Variants in LRPPRC observed in about 807,000 individuals in gnomAD.
LRPPRC encodes the protein leucine-rich PPR motif-containing protein, mitochondrial.
LRPPRC carries 120 observed loss-of-function variants against 180.3 expected under a neutral mutation model. The ratio of observed to expected loss-of-function variants is 0.67; its 90% CI spans 0.57 to 0.77. LRPPRC has a LOEUF of 0.77. LRPPRC is among the 30% of genes least tolerant of loss of function. The probability of loss-of-function intolerance (pLI) is 0.00; values close to 1 mark genes in which losing one functional copy is unlikely to be tolerated. For synonymous variants in LRPPRC, 723 were observed against 600.0 expected (o/e 1.21, Z -3.00); for missense variants, 2,012 against 1,657.2 (o/e 1.21, Z -3.72).
At chr2:43,978,452 C>T (rs1467322332) in intron 3 of LRPPRC, among the ~76,000 whole-genome samples, 1 of 152,050 alleles carries the variant, frequency 6.6e-6, no homozygotes, top group Non-Finnish European at 1.5e-5. Context: ...CATTGTTAAT[C>T]TTTATATGGA....
chr2:43,962,415 A>T (rs1343635009), intron 12 of LRPPRC, among the ~76,000 whole-genome samples: 1 of 152,250 alleles, frequency 6.6e-6, no homozygotes, highest in Non-Finnish European at 1.5e-5. Context: ...GAAACACTCT[A>T]ACATTATTAG....
intron 34 of LRPPRC, among the ~76,000 whole-genome samples, chr2:43,898,465 G>A (rs886434885): frequency 3.3e-5 from 5 of 152,176 alleles, no homozygotes; most frequent in African/African-American, 1.2e-4. Context: ...CGGGATCACG[G>A]TGACTGTTTG....
At chr2:43,985,633 G>T (rs1274682952) in intron 1 of LRPPRC, among the ~76,000 whole-genome samples, 4 of 152,084 alleles carry the variant, frequency 2.6e-5, no homozygotes, top group Non-Finnish European at 5.9e-5. Context: ...ACACATTTAA[G>T]GTTCCTCCAT....
chr2:43,949,577 A>G (rs772664518), intron 16 of LRPPRC, 25 bp downstream of exon 16: 4 of 1,590,660 alleles, frequency 2.5e-6, no homozygotes, highest in Admixed American at 1.7e-5. Flanking sequence ...TGGATAAGTT[A>G]CAATCATCGA....
In LRPPRC at chr2:43,964,696, TA is replaced by T. The variant is rs548973978; in HGVS notation, c.1370-991del. Reference sequence around the variant, plus strand: ...TTCTTTTAGATAAAATTTAATTATGTAAAAAAAAAACTATAATTTTTTTTAA... The same window carrying T: ...TTCTTTTAGATAAAATTTAATTATGTAAAAAAAAACTATAATTTTTTTTAA... On this transcript the variant is annotated intron_variant, in intron 11 of 37. Coordinates refer to ENST00000260665, the MANE Select transcript of LRPPRC (RefSeq NM_133259.4). 1.2e-3 allele frequency among the ~76,000 whole-genome samples: 176 copies of T among 148,926 alleles called. 1 individual carries two copies. Among genetic ancestry groups the T allele is most frequent in the African/African-American group, 3.1e-3 (125 of 40,750 alleles).
intron 16 of LRPPRC, among the ~76,000 whole-genome samples, 195 bp downstream of exon 16, chr2:43,949,407 T>C (rs906513332): frequency 1.3e-5 from 2 of 152,112 alleles, no homozygotes; most frequent in Non-Finnish European, 2.9e-5. Flanking sequence ...AACCCTGTCT[T>C]TAGAAAAAAT....
At chr2:43,900,880 G>T (rs1475703336) in intron 32 of LRPPRC, among the ~76,000 whole-genome samples, 1 of 152,040 alleles carries the variant, frequency 6.6e-6, no homozygotes, top group African/African-American at 2.4e-5. Flanking sequence ...TTTTGTGGGG[G>T]TGGGAGAGTG....
At chr2:43,961,004 G>A (rs569533916) in intron 12 of LRPPRC, among the ~76,000 whole-genome samples, 1 of 152,160 alleles carries the variant, frequency 6.6e-6, no homozygotes, top group Non-Finnish European at 1.5e-5. Flanking sequence ...ACTCATAGAG[G>A]CTCATCACTT....
At chr2:43,935,617 TAAAC>T (rs1279245808) in intron 23 of LRPPRC, among the ~76,000 whole-genome samples, 1 of 152,210 alleles carries the variant, frequency 6.6e-6, no homozygotes, top group Non-Finnish European at 1.5e-5. Context: ...ATCAGTTTCT[TAAAC>T]AACAGTGTGG....
rs530094350 is a variant in LRPPRC, at chr2:43,913,808, C to CA, written c.3149-1251dup. The stretch of plus-strand genomic sequence containing the variant: ...ACAACTGTATATTCCAGGACACTGG[C>CA]AAAAAACGGAAAATAAAAACACGCT... On this transcript the variant is annotated intron_variant, in intron 29 of 37. Transcript: ENST00000260665. Among the ~76,000 whole-genome samples, 447 of 152,166 alleles carry CA rather than the reference C, an allele frequency of 2.9e-3. 5 individuals carry two copies. Among genetic ancestry groups the CA allele is most frequent in the African/African-American group, 0.01 (424 of 41,544 alleles).
chr2:43,908,107 G>C (rs751664170), intron 30 of LRPPRC, among the ~76,000 whole-genome samples: 1 of 152,032 alleles, frequency 6.6e-6, no homozygotes, highest in Non-Finnish European at 1.5e-5. Flanking sequence ...CATTATTTCC[G>C]AACAGAATGA....
chr2:43,896,825 A>G, intron 34 of LRPPRC, 117 bp from the exon 35 acceptor site: 1 of 717,996 alleles, frequency 1.4e-6, no homozygotes, highest in Non-Finnish European at 2.5e-6. Context: ...TACCAATAGG[A>G]AGGCCTAATA....
rs1672676984 is a variant in LRPPRC at position 43,946,228 on chromosome 2, G to C, written c.2095C>G (p.Leu699Val). ...GATTCATATTTTGCTTTCAATTCAA[G>C]GGCTTTTTGCATATTCTAAAATACA... The part of the protein sequence containing the change: ...LCSEENMQKA[L>V]ELKAKYESDM... Residue 699 changes from leucine (L) to valine (V), a missense_variant, in exon 21 of 38, where the codon CTT becomes GTT. Coordinates refer to ENST00000260665, the MANE Select transcript of LRPPRC (RefSeq NM_133259.4). 6.2e-7 allele frequency: 1 copy of C among 1,611,500 alleles called. No homozygotes were observed. Among genetic ancestry groups the C allele is most frequent in the Non-Finnish European group, 8.5e-7 (1 of 1,178,016 alleles).
chr2:43,971,262 T>A (rs900842673), intron 11 of LRPPRC, among the ~76,000 whole-genome samples: 2 of 151,992 alleles, frequency 1.3e-5, no homozygotes, highest in African/African-American at 4.8e-5. Context: ...TACAGGTTAT[T>A]TCCTGAAAGT....
intron 27 of LRPPRC, among the ~76,000 whole-genome samples, chr2:43,918,631 C>G (rs1159631284): frequency 6.6e-6 from 1 of 151,700 alleles, no homozygotes; most frequent in Non-Finnish European, 1.5e-5. Context: ...ACAAGAAGCC[C>G]CCATCACACT....
rs145963884 is a variant in LRPPRC, at chr2:43,945,357, T to C, written c.2271A>G (p.Val757=). 8.8e-5 allele frequency: 142 copies of C among 1,612,392 alleles called. No homozygotes were observed. The African/African-American group carries it at 1.8e-3, about 21-fold the overall frequency. The change falls in exon 22 of 38, where the codon GTA becomes GTG. Residue 757 remains valine (V), a synonymous_variant. Transcript: ENST00000260665. ...DTGKYVGLVR[V]LAKHGKLQDA... ...CTTGGAGCTTGCCATGCTTTGCCAA[T>C]ACTCTTACAAGGCCTACATACTTGC...
At chr2:43,976,601 T>C (rs1408620323) in intron 5 of LRPPRC, among the ~76,000 whole-genome samples, 1 of 151,842 alleles carries the variant, frequency 6.6e-6, no homozygotes, top group Non-Finnish European at 1.5e-5. Context: ...TAAGTAGTAA[T>C]AAATTTTACA....
At position 43,982,534 on chromosome 2, in the gene LRPPRC, T is replaced by TA. The variant is rs1674358831; in HGVS notation, c.150-101dup. ...ATTTTAAAATTAGTTATTAAACACC[T>TA]AAAATCACAGTACAATACCAAAAAT... On this transcript the variant is annotated intron_variant, in intron 1 of 37. Coordinates refer to ENST00000260665, the MANE Select transcript of LRPPRC (RefSeq NM_133259.4). The TA allele has an allele frequency of 5.8e-6, 5 of 868,002 alleles. No homozygotes were observed. In the South Asian group the frequency reaches 7.3e-5, roughly 13 times the overall value. The allele number at this position is 868,002 out of a possible 1,614,324, so 53.8% of individuals were successfully genotyped here. A position where few individuals can be genotyped will look rare whatever the true frequency, so the allele number is the denominator to read the frequency against.
intron 23 of LRPPRC, among the ~76,000 whole-genome samples, chr2:43,941,357 G>A (rs1488962080): frequency 6.6e-6 from 1 of 152,270 alleles, no homozygotes; most frequent in East Asian, 1.9e-4. Flanking sequence ...ACAGTGACAT[G>A]CCAAAAAGAT....
Sources: allele counts gnomAD v4.1 joint callset (sites outside exome capture counted in the v4.1 genomes callset), GRCh38; gene constraint gnomAD v4.1.1; transcripts MANE v1.5; gene names NCBI Gene and HGNC (gene_info 2026-07-23, HGNC 2026-07-21).